Variants in ARHGAP18 observed in about 807,000 individuals in gnomAD.
The protein encoded by ARHGAP18 is Rho GTPase activating protein 18.
In ARHGAP18, 67 loss-of-function variants were observed where a neutral mutation model predicts 86.2. The ratio of observed to expected loss-of-function variants is 0.78; its 90% confidence interval spans 0.64 to 0.95. The LOEUF (loss-of-function observed/expected upper bound fraction) is 0.95, where lower values mean the gene tolerates loss of function less well. Among genes scored for constraint, ARHGAP18 ranks in the 40% least tolerant of loss-of-function variants. The pLI is 0.00. For synonymous variants in ARHGAP18, 283 were observed against 280.4 expected, an observed-to-expected ratio of 1.01 and a Z score of -0.09; for missense variants, 691 against 780.4, an observed-to-expected ratio of 0.89 and a Z score of 1.37.
At chr6:129,687,115 C>T (rs1243134530) in intron 1 of ARHGAP18, among the ~76,000 whole-genome samples, 1 of 151,824 alleles carries the variant, frequency 6.6e-6, no homozygotes, top group Non-Finnish European at 1.5e-5. Context: ...TGAGTCACTG[C>T]GCCTGGCCAT....
intron 1 of ARHGAP18, among the ~76,000 whole-genome samples, chr6:129,694,756 G>A (rs1218611797): frequency 1.3e-5 from 2 of 152,224 alleles, no homozygotes; most frequent in Non-Finnish European, 2.9e-5. Flanking sequence ...CCACATTTAG[G>A]TTAAAATGTT....
chr6:129,661,260 G>A (rs1489835474), intron 1 of ARHGAP18, among the ~76,000 whole-genome samples: 1 of 145,876 alleles, frequency 6.9e-6, no homozygotes, highest in East Asian at 2.0e-4. Context: ...AGCTGACGCA[G>A]GAAGATTGCA....
At chr6:129,669,545 G>A (rs1410240702) in intron 1 of ARHGAP18, among the ~76,000 whole-genome samples, 1 of 151,330 alleles carries the variant, frequency 6.6e-6, no homozygotes, top group Middle Eastern at 3.2e-3. Flanking sequence ...CAGCACTTTG[G>A]GAGGACAAGG....
chr6:129,693,281 A>T (rs1396649102), intron 1 of ARHGAP18, among the ~76,000 whole-genome samples: 1 of 152,230 alleles, frequency 6.6e-6, no homozygotes, highest in East Asian at 1.9e-4. Context: ...TAAGGTTAAG[A>T]AGATCTGATT....
chr6:129,643,496 T>C (rs762997775), intron 1 of ARHGAP18, among the ~76,000 whole-genome samples: 102 of 152,326 alleles, frequency 6.7e-4, no homozygotes, highest in Non-Finnish European at 1.6e-4. Context: ...TCCCCAGCCA[T>C]ACTGAACTGT....
At chr6:129,615,302 T>G (rs1789073306) in intron 7 of ARHGAP18, among the ~76,000 whole-genome samples, 4 of 152,182 alleles carry the variant, frequency 2.6e-5, no homozygotes, top group South Asian at 2.1e-4. Flanking sequence ...TAAAAGAGGC[T>G]GATGGGTGGG....
In ARHGAP18 at chr6:129,599,283, T is replaced by G. The variant is rs773226477; in HGVS notation, c.1646A>C (p.Lys549Thr). Reference protein sequence around the residue: ...ENHKKDKRAMKKLLKKMAYDR... With the variant: ...ENHKKDKRAMTKLLKKMAYDR... ...ATAAGCCATTTTCTTCAGCAATTTC[T>G]TCATGGCTCTTTTATCCTTTTTATG... Residue 549 changes from lysine (K) to threonine (T), a missense_variant, in exon 12 of 15, where the codon AAG becomes ACG. Lys to Thr is a moderately conservative substitution (Grantham distance 78, BLOSUM62 -1). Transcript: ENST00000368149. 1.3e-6 allele frequency: 2 copies of G among 1,598,074 alleles called. No individual in the cohort carries two copies. The highest frequency in any genetic ancestry group is 1.1e-5 in the South Asian group (1 of 88,056).
At chr6:129,605,062 G>A (rs1354319810) in intron 10 of ARHGAP18, among the ~76,000 whole-genome samples, 1 of 152,106 alleles carries the variant, frequency 6.6e-6, no homozygotes, top group African/African-American at 2.4e-5. Context: ...AGAGGGTAAA[G>A]AAGCCCTTTA....
intron 1 of ARHGAP18, among the ~76,000 whole-genome samples, chr6:129,647,399 C>T (rs1240324864): frequency 6.6e-6 from 1 of 152,168 alleles, no homozygotes; most frequent in African/African-American, 2.4e-5. Flanking sequence ...AAAGTCCTAT[C>T]GTGATGCTTT....
intron 3 of ARHGAP18, among the ~76,000 whole-genome samples, chr6:129,634,402 T>TA (rs1171559960): frequency 1.3e-5 from 2 of 152,136 alleles, no homozygotes; most frequent in South Asian, 2.1e-4. Flanking sequence ...ACAAACATGT[T>TA]AAAAAATTAG....
At chr6:129,629,221 C>CTCTG in intron 5 of ARHGAP18, 132 bp downstream of exon 5, 3 of 823,316 alleles carry the variant, frequency 3.6e-6, no homozygotes, top group Non-Finnish European at 5.0e-6. Context: ...TCATCTTTCT[C>CTCTG]TCTGTCTGTC....
intron 10 of ARHGAP18, among the ~76,000 whole-genome samples, chr6:129,604,824 C>T (rs959205427): frequency 5.9e-5 from 9 of 152,168 alleles, no homozygotes; most frequent in East Asian, 1.9e-4. Flanking sequence ...TCTCCTGTAG[C>T]GGACGTAGCG....
chr6:129,667,424 A>G (rs911483730), intron 1 of ARHGAP18, among the ~76,000 whole-genome samples: 6 of 151,614 alleles, frequency 4.0e-5, no homozygotes, highest in African/African-American at 1.2e-4. Flanking sequence ...CAAAATCTAT[A>G]ATGAGTCAGG....
chr6:129,582,861 A>AG (rs1359436306), intron 13 of ARHGAP18, among the ~76,000 whole-genome samples: 1 of 152,220 alleles, frequency 6.6e-6, no homozygotes, highest in African/African-American at 2.4e-5. Context: ...CACTTACTTC[A>AG]GAGTGCTGTT....
intron 12 of ARHGAP18, among the ~76,000 whole-genome samples, chr6:129,588,540 C>A (rs577648985): frequency 6.6e-6 from 1 of 152,336 alleles, no homozygotes; most frequent in African/African-American, 2.4e-5. Flanking sequence ...TTGCAGGGTA[C>A]AGACCCCCTC....
intron 5 of ARHGAP18, among the ~76,000 whole-genome samples, chr6:129,622,766 T>C (rs1789256185): frequency 6.6e-6 from 1 of 152,056 alleles, no homozygotes; most frequent in Non-Finnish European, 1.5e-5. Flanking sequence ...TCTGGGAGAC[T>C]GAGGCAGGTA....
chr6:129,588,824 G>C (rs1584024901), intron 12 of ARHGAP18, among the ~76,000 whole-genome samples: 1 of 152,312 alleles, frequency 6.6e-6, no homozygotes, highest in Non-Finnish European at 1.5e-5. Flanking sequence ...TAAAATCTAG[G>C]CGGAGGTTCC....
At chr6:129,671,947 G>A (rs544649262) in intron 1 of ARHGAP18, among the ~76,000 whole-genome samples, 1 of 152,226 alleles carries the variant, frequency 6.6e-6, no homozygotes, top group East Asian at 1.9e-4. Flanking sequence ...CTACTGAGAA[G>A]TACTGATCTA....
At chr6:129,696,662 T>C (rs906684876) in intron 1 of ARHGAP18, among the ~76,000 whole-genome samples, 3 of 152,224 alleles carry the variant, frequency 2.0e-5, no homozygotes, top group Admixed American at 6.5e-5. Flanking sequence ...GAGGCATTTA[T>C]GTTCGTGATG....
Sources: gnomAD v4.1 joint callset for allele counts (sites outside exome capture counted in the v4.1 genomes callset) on GRCh38, gnomAD v4.1.1 for gene constraint, MANE v1.5 for transcripts, NCBI Gene and HGNC (gene_info 2026-07-23, HGNC 2026-07-21) for gene names.